The following GRAMD4 variants were observed in gnomAD, a reference collection of about 807,000 sequenced individuals.
GRAMD4 encodes the protein GRAM domain containing 4.
GRAMD4 carries 25 observed loss-of-function variants against 83.9 expected under a neutral mutation model. The ratio of observed to expected loss-of-function variants is 0.30; its 90% CI spans 0.22 to 0.42. The LOEUF (loss-of-function observed/expected upper bound fraction) is 0.42. Ranked by LOEUF, GRAMD4 falls within the 10% of genes least tolerant of loss-of-function variation. The pLI, the probability that GRAMD4 is intolerant of heterozygous loss-of-function variation, is 1.00. For missense variants in GRAMD4, 593 were observed against 788.7 expected (o/e 0.75, Z 2.97); for synonymous variants, 336 against 320.9 (o/e 1.05, Z -0.50).
intron 1 of GRAMD4, among the ~76,000 whole-genome samples, chr22:46,592,447 CAAA>C (rs60938161): frequency 1.9e-5 from 2 of 107,722 alleles, no homozygotes; most frequent in Non-Finnish European, 4.1e-5. Context: ...GCCCTGTTTC[CAAA>C]AAAAAAAAAA....
At position 46,620,549 on chromosome 22, in the gene GRAMD4, A is replaced by T; in HGVS notation, c.-66A>T. 1 of 767,200 alleles carries T rather than the reference A, an allele frequency of 1.3e-6. No individual in the cohort carries two copies. 47.5% of individuals were successfully genotyped at this position (767,200 alleles called of 1,614,324 possible). A position where few individuals can be genotyped will look rare whatever the true frequency, so the allele number is the denominator to read the frequency against. On this transcript the variant is annotated 5_prime_UTR_variant, in exon 1 of 19. Transcript: ENST00000406902. This position sits in a 1 kb window ranked among gnomAD's most constrained non-coding sequence, Gnocchi z 4.7. ...ACAGTGAAAGAGTGTTTCTGGATGT[A>T]TCTGAGACAGACGGAGGTAGGGGGC...
chr22:46,597,944 A>AT (rs924201430), intron 1 of GRAMD4, among the ~76,000 whole-genome samples: 5 of 151,860 alleles, frequency 3.3e-5, no homozygotes, highest in African/African-American at 1.2e-4. Flanking sequence ...ACAAGGTGGC[A>AT]TTTTTTTAGT....
intron 3 of GRAMD4, among the ~76,000 whole-genome samples, chr22:46,649,248 C>G (rs1403463240): frequency 6.6e-6 from 1 of 152,172 alleles, no homozygotes; most frequent in African/African-American, 2.4e-5. Context: ...AGGTGCTTGG[C>G]AGAGAGCCTG....
intron 1 of GRAMD4, among the ~76,000 whole-genome samples, chr22:46,611,996 CAAAAAAAAAA>C (rs61392000): frequency 2.0e-5 from 1 of 50,158 alleles, no homozygotes; most frequent in Admixed American, 3.4e-4. Flanking sequence ...GACTCCATCT[CAAAAAAAAAA>C]AAAAAAAAAA....
upstream of GRAMD4, among the ~76,000 whole-genome samples, chr22:46,576,431 G>A (rs2081043003): frequency 6.6e-6 from 1 of 152,180 alleles, no homozygotes; most frequent in South Asian, 2.1e-4. Flanking sequence ...CTTAGAGTGG[G>A]TCCCCTCTAC....
chr22:46,647,995 G>A (rs1261466738), intron 3 of GRAMD4, among the ~76,000 whole-genome samples: 2 of 152,276 alleles, frequency 1.3e-5, no homozygotes, highest in East Asian at 3.8e-4. Flanking sequence ...TGCCTTATCT[G>A]TGATTTCCAA....
rs764744914 is a variant in GRAMD4 at position 46,665,632 on chromosome 22, G to A, written c.735G>A (p.Val245=). 6.3e-7 allele frequency: 1 copy of A among 1,593,794 alleles called. No homozygotes were observed. Among genetic ancestry groups the A allele is most frequent in the Non-Finnish European group, 8.6e-7 (1 of 1,162,184 alleles). ...AIAFTVYMNA[V]WHGWAIPLFL... is the part of the protein sequence containing the mutation. ...ACCCGCAGGTGTACATGAATGCCGT[G>A]TGGCATGGCTGGGCCATCCCATTGT... Residue 245 remains valine, a synonymous_variant, in exon 9 of 19, where the codon GTG becomes GTA. Coordinates refer to ENST00000406902, the MANE Select transcript of GRAMD4 (RefSeq NM_015124.5).
intron 3 of GRAMD4, among the ~76,000 whole-genome samples, chr22:46,652,634 C>A (rs972547686): frequency 1.3e-5 from 2 of 152,164 alleles, no homozygotes; most frequent in African/African-American, 4.8e-5. Flanking sequence ...GGCAGCCCGG[C>A]GTCCTCAGTG....
intron 1 of GRAMD4, among the ~76,000 whole-genome samples, chr22:46,614,016 G>A (rs958310025): frequency 1.3e-5 from 2 of 152,208 alleles, no homozygotes; most frequent in South Asian, 2.1e-4. Context: ...GGCGGCTCAC[G>A]CGGGTTCCCA....
upstream of GRAMD4, among the ~76,000 whole-genome samples, chr22:46,619,715 G>A (rs1488605356): frequency 6.6e-6 from 1 of 152,162 alleles, no homozygotes; most frequent in Non-Finnish European, 1.5e-5. Flanking sequence ...AGCTGCCCAG[G>A]TTGGCTGTCC....
At chr22:46,626,170 G>A (rs1377835079) in intron 1 of GRAMD4, among the ~76,000 whole-genome samples, 1 of 152,234 alleles carries the variant, frequency 6.6e-6, no homozygotes, top group East Asian at 1.9e-4. Context: ...GGGACACAAG[G>A]CCAGGTCCCC....
At chr22:46,611,360 G>T (rs2081415307) in intron 1 of GRAMD4, among the ~76,000 whole-genome samples, 1 of 152,160 alleles carries the variant, frequency 6.6e-6, no homozygotes, top group Non-Finnish European at 1.5e-5. Context: ...GGGGAGGGTG[G>T]GGTGACGGGT....
intron 4 of GRAMD4, among the ~76,000 whole-genome samples, chr22:46,658,819 C>T (rs2082284707): frequency 6.6e-6 from 1 of 151,742 alleles, no homozygotes; most frequent in Non-Finnish European, 1.5e-5. Context: ...CCCCTGCCCC[C>T]ATCCTAGCAG....
intron 3 of GRAMD4, among the ~76,000 whole-genome samples, chr22:46,640,525 C>A (rs1834397964): frequency 6.6e-6 from 1 of 152,198 alleles, no homozygotes. Flanking sequence ...GCTGGCGTCC[C>A]TGGACCAGCA....
At chr22:46,619,720 C>T (rs1211339539), upstream of GRAMD4, among the ~76,000 whole-genome samples, 1 of 152,174 alleles carries the variant, frequency 6.6e-6, no homozygotes, top group Non-Finnish European at 1.5e-5. Flanking sequence ...CCCAGGTTGG[C>T]TGTCCAGCTG....
At chr22:46,644,048 G>A (rs1332329176) in intron 3 of GRAMD4, among the ~76,000 whole-genome samples, 2 of 152,014 alleles carry the variant, frequency 1.3e-5, no homozygotes, top group Non-Finnish European at 2.9e-5. Context: ...TTATAAACAT[G>A]AGCATCTATA....
chr22:46,665,084 C>T (rs1406183385), intron 8 of GRAMD4, among the ~76,000 whole-genome samples: 3 of 152,228 alleles, frequency 2.0e-5, no homozygotes, highest in Non-Finnish European at 4.4e-5. Flanking sequence ...GGCTCCCACA[C>T]GCTCCTGTGC....
Position 46,621,585 on chromosome 22 carries a change from CGG to C in GRAMD4, c.-50+1021_-50+1022del, listed in dbSNP as rs1569266382. Among the ~76,000 whole-genome samples, 2 of 55,130 alleles carry C rather than the reference CGG, an allele frequency of 3.6e-5. No individual in the cohort carries two copies. The highest frequency in any genetic ancestry group is 7.4e-5 in the Non-Finnish European group (2 of 26,976). The allele number at this position is 55,130 out of a possible 152,430, so 36.2% of individuals were successfully genotyped here. On this transcript the variant is annotated intron_variant, in intron 1 of 18. Transcript: ENST00000406902. The surrounding 1 kb of genome is among the most constrained non-coding windows in gnomAD (Gnocchi z 5.8). ...CGGGCCCATCCCTGGCGGTGTGTCGCGGAGGGCACCCCTACCCCGGTGCAGGC... is the reference window on the plus strand; with the variant it reads ...CGGGCCCATCCCTGGCGGTGTGTCGCAGGGCACCCCTACCCCGGTGCAGGC...
At chr22:46,630,878 G>A (rs974306464) in intron 2 of GRAMD4, among the ~76,000 whole-genome samples, 16 of 89,222 alleles carry the variant, frequency 1.8e-4, no homozygotes, top group Admixed American at 1.6e-3. Context: ...CCCGAGGGCC[G>A]TGTGCCCTCA....
Sources: allele counts gnomAD v4.1 joint callset (sites outside exome capture counted in the v4.1 genomes callset), GRCh38; gene constraint gnomAD v4.1.1; non-coding constraint Gnocchi (gnomAD v3.1); transcripts MANE v1.5; gene names NCBI Gene and HGNC (gene_info 2026-07-23, HGNC 2026-07-21).